WNT2: variants seen among roughly 807,000 people sequenced by gnomAD.
The protein encoded by WNT2 is protein Wnt-2.
In WNT2, 12 loss-of-function variants were observed where a neutral mutation model predicts 36.9. The observed-to-expected ratio is 0.33, with a 90% CI of 0.21 to 0.53. The LOEUF (loss-of-function observed/expected upper bound fraction) is 0.53. Among genes scored for constraint, WNT2 ranks in the 20% least tolerant of loss-of-function variants. The probability of loss-of-function intolerance (pLI) is 0.95; values close to 1 mark genes in which losing one functional copy is unlikely to be tolerated. For missense variants in WNT2, 379 were observed against 473.1 expected, an observed-to-expected ratio of 0.80 and a Z score of 1.84; for synonymous variants, 163 against 174.6, an observed-to-expected ratio of 0.93 and a Z score of 0.52.
rs879501745 is a variant in WNT2, at chr7:117,302,291, A to T, written c.589-4415T>A. Among the ~76,000 whole-genome samples, 92 of 152,352 alleles carry T rather than the reference A, an allele frequency of 6.0e-4. 1 individual carries two copies. The highest frequency in any genetic ancestry group is 2.1e-3 in the African/African-American group (89 of 41,578). ...TAACAAAAGGACAAAAAGGTGTTCG[A>T]CTTCATTAGTAACTGGAGAAATGCA... On this transcript the variant is annotated intron_variant, in intron 3 of 4. Transcript: ENST00000265441.
Position 117,315,366 on chromosome 7 carries a change from T to C in WNT2, c.311-18A>G. ...CCGACTACCTGAAACAAAAATGCTT[T>C]TCTTAAAAGTGGTCCGGTAGCACTA... is the stretch of plus-strand genomic sequence containing the variant. On this transcript the variant is annotated intron_variant, in intron 2 of 4. Coordinates refer to ENST00000265441, the MANE Select transcript of WNT2 (RefSeq NM_003391.3). 3 of 1,605,570 alleles carry C rather than the reference T, an allele frequency of 1.9e-6. No homozygotes were observed. Among genetic ancestry groups the C allele is most frequent in the Non-Finnish European group, 2.6e-6 (3 of 1,176,158 alleles).
chr7:117,308,223 C>T (rs1188342635), intron 3 of WNT2, among the ~76,000 whole-genome samples: 3 of 152,154 alleles, frequency 2.0e-5, no homozygotes, highest in Non-Finnish European at 2.9e-5. Context: ...TTTGCTTATG[C>T]AAACATTTAT....
At chr7:117,315,381 C>T (rs200132803) in intron 2 of WNT2, 33 bp from the exon 3 acceptor site, 64 of 1,589,008 alleles carry the variant, frequency 4.0e-5, no homozygotes, top group East Asian at 3.4e-4. Context: ...AAAAGTGGTC[C>T]GGTAGCACTA....
chr7:117,303,405 T>C (rs1408353744), intron 3 of WNT2, among the ~76,000 whole-genome samples: 1 of 152,220 alleles, frequency 6.6e-6, no homozygotes, highest in Admixed American at 6.5e-5. Flanking sequence ...CTGCTAGTGC[T>C]GCTTTGGAGG....
intron 2 of WNT2, among the ~76,000 whole-genome samples, chr7:117,317,235 C>T (rs1241413006): frequency 6.6e-6 from 1 of 152,068 alleles, no homozygotes; most frequent in African/African-American, 2.4e-5. Context: ...GACAGTATTT[C>T]GAAAGCAACA....
chr7:117,295,018 G>A (rs1422140392), intron 4 of WNT2, among the ~76,000 whole-genome samples: 2 of 152,216 alleles, frequency 1.3e-5, no homozygotes, highest in African/African-American at 2.4e-5. Flanking sequence ...TTGAGCCCAG[G>A]AGGCGGAGGT....
At chr7:117,286,424 C>A (rs981658786) in intron 4 of WNT2, among the ~76,000 whole-genome samples, 1 of 151,892 alleles carries the variant, frequency 6.6e-6, no homozygotes, top group Non-Finnish European at 1.5e-5. Flanking sequence ...TCTCTCTCCC[C>A]GCCCTTCTCT....
chr7:117,281,061 G>A (rs1325617781), intron 4 of WNT2, among the ~76,000 whole-genome samples: 1 of 152,176 alleles, frequency 6.6e-6, no homozygotes, highest in Non-Finnish European at 1.5e-5. Flanking sequence ...TAGGTGTAAA[G>A]GATGACTAGA....
At position 117,278,396 on chromosome 7, in the gene WNT2, G is replaced by C; in HGVS notation, c.854-12C>G. On this transcript the variant is annotated splice_polypyrimidine_tract_variant and intron_variant, in intron 4 of 4. Transcript: ENST00000265441. ...TGTACCCAGGGAGCCTGGAAGACAAGCCAGGGAGTGTTACTGAAAAGGTCT... is the reference window on the plus strand; with the variant it reads ...TGTACCCAGGGAGCCTGGAAGACAACCCAGGGAGTGTTACTGAAAAGGTCT... 1 of 1,608,904 alleles carries C rather than the reference G, an allele frequency of 6.2e-7. No homozygotes were observed. The highest frequency in any genetic ancestry group is 8.5e-7 in the Non-Finnish European group (1 of 1,177,334).
chr7:117,300,465 G>A lies in WNT2; in HGVS notation c.589-2589C>T, dbSNP rs1312328223. 7.9e-5 allele frequency among the ~76,000 whole-genome samples: 12 copies of A among 152,152 alleles called. No homozygotes were observed. The Middle Eastern group carries it at 0.014, about 173-fold the overall frequency. On this transcript the variant is annotated intron_variant, in intron 3 of 4. Coordinates refer to ENST00000265441, the MANE Select transcript of WNT2 (RefSeq NM_003391.3). ...CTCCCAAAGTGTTGGGATTACAGGC[G>A]TGAGCCATCGTACCTGGCCATGTTT...
At chr7:117,282,929 G>A (rs1401091686) in intron 4 of WNT2, among the ~76,000 whole-genome samples, 1 of 152,108 alleles carries the variant, frequency 6.6e-6, no homozygotes, top group Non-Finnish European at 1.5e-5. Context: ...AAGGTGAGGA[G>A]GCAGGACCTG....
chr7:117,305,521 G>A (rs1193256965), intron 3 of WNT2, among the ~76,000 whole-genome samples: 1 of 152,112 alleles, frequency 6.6e-6, no homozygotes, highest in Non-Finnish European at 1.5e-5. Context: ...CTTTCACGCT[G>A]CTGTATTGAA....
rs150627703 is a variant in WNT2 at position 117,312,072 on chromosome 7, C to T, written c.588+2999G>A. The stretch of plus-strand genomic sequence containing the variant: ...ACTGGAAACATGAGTTATTTTCATA[C>T]AGATTCCCTTAGGAACATTTAAAGA... On this transcript the variant is annotated intron_variant, in intron 3 of 4. Coordinates refer to ENST00000265441, the MANE Select transcript of WNT2 (RefSeq NM_003391.3). 8.6e-3 allele frequency among the ~76,000 whole-genome samples: 1,309 copies of T among 152,326 alleles called. 16 individuals are homozygous for T. Among genetic ancestry groups the T allele is most frequent in the African/African-American group, 0.03 (1,227 of 41,570 alleles).
chr7:117,304,718 G>A (rs899950012), intron 3 of WNT2, among the ~76,000 whole-genome samples: 4 of 152,188 alleles, frequency 2.6e-5, no homozygotes, highest in Admixed American at 6.5e-5. Flanking sequence ...TTACAGGCGT[G>A]AGCCACCGCA....
At chr7:117,291,386 A>C (rs1794687184) in intron 4 of WNT2, among the ~76,000 whole-genome samples, 1 of 152,210 alleles carries the variant, frequency 6.6e-6, no homozygotes, top group Non-Finnish European at 1.5e-5. Context: ...ATAACTAGTG[A>C]AAGTGGCCTG....
intron 2 of WNT2, among the ~76,000 whole-genome samples, chr7:117,316,336 T>A (rs942568076): frequency 1.3e-5 from 2 of 152,216 alleles, no homozygotes; most frequent in African/African-American, 4.8e-5. Context: ...CTCTTTAGGG[T>A]CCGTGTGCAC....
At chr7:117,279,949 T>C (rs1230860382) in intron 4 of WNT2, among the ~76,000 whole-genome samples, 1 of 152,178 alleles carries the variant, frequency 6.6e-6, no homozygotes, top group Non-Finnish European at 1.5e-5. Flanking sequence ...TCTCTCTGTT[T>C]ATCACAGTCC....
At position 117,322,810 on chromosome 7, in the gene WNT2, GC is replaced by G. The variant is rs1795354207; in HGVS notation, c.83+96del. Reference sequence around the variant, plus strand: ...GTTCGGGCCAGAATCCGAGACTGCTGCGGCCGCGGGGGAACGCAGCCAGGAA... The same window carrying G: ...GTTCGGGCCAGAATCCGAGACTGCTGGGCCGCGGGGGAACGCAGCCAGGAA... On this transcript the variant is annotated intron_variant, in intron 1 of 4. Coordinates refer to ENST00000265441, the MANE Select transcript of WNT2 (RefSeq NM_003391.3). This position sits in a 1 kb window ranked among gnomAD's most constrained non-coding sequence, Gnocchi z 5.4. The G allele has an allele frequency of 7.8e-7, 1 of 1,283,502 alleles. No individual in the cohort carries two copies. The highest frequency in any genetic ancestry group is 1.1e-6 in the Non-Finnish European group (1 of 894,270). 79.5% of individuals were successfully genotyped at this position (1,283,502 alleles called of 1,614,324 possible).
At chr7:117,288,440 G>C (rs1794626313) in intron 4 of WNT2, among the ~76,000 whole-genome samples, 2 of 152,112 alleles carry the variant, frequency 1.3e-5, no homozygotes, top group African/African-American at 4.8e-5. Context: ...CTAATAATAT[G>C]AAATTTGCAT....
Sources: allele counts gnomAD v4.1 joint callset (sites outside exome capture counted in the v4.1 genomes callset), GRCh38; gene constraint gnomAD v4.1.1; non-coding constraint Gnocchi (gnomAD v3.1); transcripts MANE v1.5; gene names NCBI Gene and HGNC (gene_info 2026-07-23, HGNC 2026-07-21).